The following PFKM variants were observed in gnomAD, a reference collection of about 807,000 sequenced individuals.
PFKM encodes the protein ATP-dependent 6-phosphofructokinase, muscle type.
A neutral mutation model predicts 95.5 loss-of-function variants in PFKM; 58 were observed. The ratio of observed to expected loss-of-function variants is 0.61; its 90% confidence interval spans 0.49 to 0.76. PFKM has a LOEUF of 0.76. PFKM is among the 30% of genes least tolerant of loss of function. The pLI is 0.00. For synonymous variants in PFKM, 336 were observed against 357.2 expected (o/e 0.94, Z 0.67); for missense variants, 678 against 1,005.4 (o/e 0.67, Z 4.40).
Position 48,131,327 on chromosome 12 carries a change from C to G in PFKM, c.171C>G (p.Gly57=). ...AATGTGTCACACAGGGTTATCAAGG[C>G]CTGGTGGATGGTGGAGATCACATCA... The part of the protein sequence containing the change: ...RVFFVHEGYQ[G]LVDGGDHIKE... The change falls in exon 4 of 23, where the codon GGC becomes GGG. Residue 57 remains glycine, a synonymous_variant. Coordinates refer to ENST00000359794, the MANE Select transcript of PFKM (RefSeq NM_000289.6). 1 of 1,611,382 alleles carries G rather than the reference C, an allele frequency of 6.2e-7. No homozygotes were observed. Among genetic ancestry groups the G allele is most frequent in the Non-Finnish European group, 8.5e-7 (1 of 1,177,566 alleles).
chr12:48,115,256 G>A (rs1443558183), upstream of PFKM, among the ~76,000 whole-genome samples: 1 of 152,210 alleles, frequency 6.6e-6, no homozygotes, highest in Non-Finnish European at 1.5e-5. Flanking sequence ...AATGTTTCAC[G>A]TGTCCATGTG....
chr12:48,143,866 T>C lies in PFKM; in HGVS notation c.1880+52T>C, dbSNP rs557771698. 4.1e-6 allele frequency: 6 copies of C among 1,451,568 alleles called. No homozygotes were observed. In the East Asian group the frequency reaches 1.4e-4, roughly 33 times the overall value. The allele number at this position is 1,451,568 out of a possible 1,614,324, so 89.9% of individuals were successfully genotyped here. ...ATGAAGAAGAAAAATAAGCTTTGGC[T>C]CAAACCCATAGAATGGCCATTGTTG... On this transcript the variant is annotated intron_variant, in intron 19 of 22. Coordinates refer to ENST00000359794, the MANE Select transcript of PFKM (RefSeq NM_000289.6).
At chr12:48,143,466 A>C (rs1950756323) in intron 18 of PFKM, among the ~76,000 whole-genome samples, 1 of 152,250 alleles carries the variant, frequency 6.6e-6, no homozygotes, top group Non-Finnish European at 1.5e-5. Context: ...AAGGGGAACC[A>C]GAAAGGCTTG....
At chr12:48,131,509 A>G in intron 4 of PFKM, 116 bp downstream of exon 4, 1 of 795,004 alleles carries the variant, frequency 1.3e-6, no homozygotes, top group Non-Finnish European at 2.2e-6. Context: ...GAAGGAATTC[A>G]GTGACAAGAG....
intron 10 of PFKM, among the ~76,000 whole-genome samples, chr12:48,136,752 T>C (rs1486610524): frequency 6.7e-6 from 1 of 150,262 alleles, no homozygotes; most frequent in Non-Finnish European, 1.5e-5. Flanking sequence ...TATTTCTTTT[T>C]TCTTTCTTTC....
intron 2 of PFKM, among the ~76,000 whole-genome samples, chr12:48,127,574 G>A (rs114410929): frequency 0.011 from 1,635 of 152,210 alleles, 30 homozygotes; most frequent in African/African-American, 0.037. Context: ...GATGTCTTCT[G>A]TCCAGTATTT....
intron 14 of PFKM, 69 bp from the exon 15 acceptor site, chr12:48,141,242 T>G (rs1338539013): frequency 7.1e-7 from 1 of 1,406,398 alleles, no homozygotes; most frequent in Non-Finnish European, 1.0e-6. Flanking sequence ...ACTCAAGCAG[T>G]GGCACCAGTC....
chr12:48,128,434 A>G (rs1949080313), intron 2 of PFKM, among the ~76,000 whole-genome samples: 1 of 152,044 alleles, frequency 6.6e-6, no homozygotes, highest in Admixed American at 6.6e-5. Flanking sequence ...AATAGACCAT[A>G]TTGTAATTCT....
At position 48,145,717 on chromosome 12, in the gene PFKM, GGAGT is replaced by G; in HGVS notation, c.*13_*16del. 6.2e-7 allele frequency: 1 copy of G among 1,613,796 alleles called. No homozygotes were observed. The highest frequency in any genetic ancestry group is 8.5e-7 in the Non-Finnish European group (1 of 1,179,706). ...GGGAAGCTGCCGTCTAAACCTCTCTGGAGTGAGGGGAATAGATTACCTGATCATG... is the reference window on the plus strand; with the variant it reads ...GGGAAGCTGCCGTCTAAACCTCTCTGGAGGGGAATAGATTACCTGATCATG... On this transcript the variant is annotated 3_prime_UTR_variant, in exon 23 of 23. Transcript: ENST00000359794. This position sits in a 1 kb window ranked among gnomAD's most constrained non-coding sequence, Gnocchi z 4.3.
At position 48,145,111 on chromosome 12, in the gene PFKM, C is replaced by A; in HGVS notation, c.2073C>A (p.Ile691=). Residue 691 remains isoleucine (I), a synonymous_variant, in exon 21 of 23, where the codon ATC becomes ATA. Transcript: ENST00000359794. The surrounding 1 kb of genome is among the most constrained non-coding windows in gnomAD (Gnocchi z 4.3). ...AKAMNWMSGK[I]KESYRNGRIF... is the part of the protein sequence containing the mutation. ...CTATGAACTGGATGTCTGGGAAAAT[C>A]AAAGAGAGTTACCGTAATGGTAGGT... is the stretch of plus-strand genomic sequence containing the variant. 1 of 1,614,004 alleles carries A rather than the reference C, an allele frequency of 6.2e-7. No individual in the cohort carries two copies. Among genetic ancestry groups the A allele is most frequent in the Non-Finnish European group, 8.5e-7 (1 of 1,179,854 alleles).
chr12:48,124,487 A>G (rs1948614297), intron 2 of PFKM, among the ~76,000 whole-genome samples: 1 of 152,220 alleles, frequency 6.6e-6, no homozygotes, highest in Non-Finnish European at 1.5e-5. Flanking sequence ...TATAAAATGA[A>G]GAAGAGCTTT....
chr12:48,142,528 C>A, intron 17 of PFKM: 4 of 483,694 alleles, frequency 8.3e-6, no homozygotes, highest in East Asian at 3.8e-5. Context: ...TTTTTTTTTT[C>A]TTTCTGAGAT....
chr12:48,139,046 A>T (rs867857342), intron 11 of PFKM, among the ~76,000 whole-genome samples: 4 of 152,256 alleles, frequency 2.6e-5, no homozygotes, highest in East Asian at 1.9e-4. Context: ...GTCTCAAAAA[A>T]AAAATAAAAT....
intron 11 of PFKM, among the ~76,000 whole-genome samples, chr12:48,138,941 G>A (rs1166082043): frequency 2.0e-5 from 3 of 152,316 alleles, no homozygotes; most frequent in East Asian, 3.9e-4. Flanking sequence ...TTGGGAGGCT[G>A]AGGCAGAAGA....
At chr12:48,123,136 T>C (rs543928074) in intron 2 of PFKM, among the ~76,000 whole-genome samples, 44 of 152,260 alleles carry the variant, frequency 2.9e-4, no homozygotes, top group African/African-American at 9.6e-4. Flanking sequence ...TCAAGCAGCA[T>C]TGGAAAGAAA....
upstream of PFKM, chr12:48,105,663 G>C: frequency 2.3e-6 from 1 of 431,480 alleles, no homozygotes; most frequent in Non-Finnish European, 4.4e-6. Context: ...GCTCTCCCCA[G>C]AGAAGACCCA....
chr12:48,134,898 AT>A (rs1235319372), intron 8 of PFKM, 44 bp from the exon 9 acceptor site: 1 of 1,593,662 alleles, frequency 6.3e-7, no homozygotes, highest in Non-Finnish European at 8.6e-7. Context: ...TTTCCCACCC[AT>A]CAGCTTCATT....
intron 1 of PFKM, among the ~76,000 whole-genome samples, chr12:48,121,874 A>G (rs985564916): frequency 2.0e-5 from 3 of 152,192 alleles, no homozygotes; most frequent in Admixed American, 1.3e-4. Context: ...TTAAAATAAC[A>G]GGTTTTAGCC....
At position 48,136,692 on chromosome 12, in the gene PFKM, C is replaced by CTTT. The variant is rs1166389532; in HGVS notation, c.937-1006_937-1004dup. 1.1e-3 allele frequency among the ~76,000 whole-genome samples: 71 copies of CTTT among 63,014 alleles called. 1 individual carries two copies. Among genetic ancestry groups the CTTT allele is most frequent in the African/African-American group, 3.4e-3 (45 of 13,176 alleles). 41.3% of individuals were successfully genotyped at this position (63,014 alleles called of 152,430 possible). A position where few individuals can be genotyped will look rare whatever the true frequency, so the allele number is the denominator to read the frequency against. On this transcript the variant is annotated intron_variant, in intron 10 of 22. Coordinates refer to ENST00000359794, the MANE Select transcript of PFKM (RefSeq NM_000289.6). ...CCTTACCAGCATTTGGGGGTCGTCACTTTTTTTTTTTTTTTTTTTTTTTTT... is the reference window on the plus strand; with the variant it reads ...CCTTACCAGCATTTGGGGGTCGTCACTTTTTTTTTTTTTTTTTTTTTTTTTTTT...
Sources: allele counts gnomAD v4.1 joint callset (sites outside exome capture counted in the v4.1 genomes callset), GRCh38; gene constraint gnomAD v4.1.1; non-coding constraint Gnocchi (gnomAD v3.1); transcripts MANE v1.5; gene names NCBI Gene and HGNC (gene_info 2026-07-23, HGNC 2026-07-21).